The following GRIK4 variants were observed in gnomAD, a reference collection of about 807,000 sequenced individuals.
GRIK4 encodes the protein glutamate ionotropic receptor kainate type subunit 4.
GRIK4 carries 40 observed loss-of-function variants against 104.9 expected under a neutral mutation model. That is an observed-to-expected ratio of 0.38 (90% confidence interval 0.30 to 0.50). The LOEUF (loss-of-function observed/expected upper bound fraction) is 0.50. Among genes scored for constraint, GRIK4 ranks in the 20% least tolerant of loss-of-function variants. The pLI is 0.93. For missense variants in GRIK4, 1,047 were observed against 1,308.1 expected, an observed-to-expected ratio of 0.80 and a Z score of 3.08; for synonymous variants, 485 against 524.9, an observed-to-expected ratio of 0.92 and a Z score of 1.04.
intron 14 of GRIK4, among the ~76,000 whole-genome samples, chr11:120,947,900 C>T (rs1943901596): frequency 6.6e-6 from 1 of 152,162 alleles, no homozygotes; most frequent in Admixed American, 6.5e-5. Context: ...GGTCTCCTCA[C>T]ACCAGATTTT....
chr11:120,669,434 T>G (rs1949976462), intron 3 of GRIK4, among the ~76,000 whole-genome samples: 1 of 152,222 alleles, frequency 6.6e-6, no homozygotes, highest in African/African-American at 2.4e-5. Flanking sequence ...TGATTTTTCT[T>G]CTTCCTTTTA....
chr11:120,959,318 A>G (rs1944236133), intron 16 of GRIK4, among the ~76,000 whole-genome samples: 1 of 152,210 alleles, frequency 6.6e-6, no homozygotes, highest in Non-Finnish European at 1.5e-5. Flanking sequence ...CCACTGAGTC[A>G]GAGGATGCCC....
intron 1 of GRIK4, among the ~76,000 whole-genome samples, chr11:120,652,129 C>T (rs1192632903): frequency 1.3e-5 from 2 of 152,194 alleles, no homozygotes; most frequent in African/African-American, 2.4e-5. Context: ...GTATCTGCTT[C>T]GCAGGGTTCT....
chr11:120,675,461 T>C (rs1950085383), intron 3 of GRIK4, among the ~76,000 whole-genome samples: 1 of 152,238 alleles, frequency 6.6e-6, no homozygotes, highest in South Asian at 2.1e-4. Flanking sequence ...ATTTTCCATC[T>C]TTGGACTGGA....
At chr11:120,901,875 G>A (rs184980723) in intron 12 of GRIK4, among the ~76,000 whole-genome samples, 53 of 152,350 alleles carry the variant, frequency 3.5e-4, no homozygotes, top group Non-Finnish European at 5.3e-4. Flanking sequence ...ATACGTGCAC[G>A]TGCTCATGAG....
At chr11:120,636,798 C>G (rs1949402256) in intron 1 of GRIK4, among the ~76,000 whole-genome samples, 1 of 152,090 alleles carries the variant, frequency 6.6e-6, no homozygotes, top group African/African-American at 2.4e-5. Flanking sequence ...CAAGATCGTG[C>G]CATTGCACTC....
At chr11:120,823,191 G>C (rs1222900345) in intron 6 of GRIK4, among the ~76,000 whole-genome samples, 1 of 152,222 alleles carries the variant, frequency 6.6e-6, no homozygotes, top group Admixed American at 6.5e-5. Flanking sequence ...TCACCAACCT[G>C]ACAGGAAGTT....
chr11:120,645,274 T>G (rs2135207784), intron 1 of GRIK4, among the ~76,000 whole-genome samples: 2 of 152,348 alleles, frequency 1.3e-5, no homozygotes, highest in Middle Eastern at 3.4e-3. Context: ...CCTCGTTCCT[T>G]GACTGTGTGA....
At chr11:120,980,275 T>C (rs566653443) in intron 19 of GRIK4, among the ~76,000 whole-genome samples, 67 of 152,282 alleles carry the variant, frequency 4.4e-4, no homozygotes, top group African/African-American at 1.5e-3. Context: ...TCCCCAGTCA[T>C]GGGGGATGTC....
intron 13 of GRIK4, among the ~76,000 whole-genome samples, chr11:120,909,230 G>A (rs1942938823): frequency 6.6e-6 from 1 of 152,234 alleles, no homozygotes; most frequent in Admixed American, 6.5e-5. Flanking sequence ...GAGGGTTATT[G>A]GTAACAATGT....
intron 3 of GRIK4, among the ~76,000 whole-genome samples, chr11:120,735,815 A>G (rs1951211912): frequency 6.6e-6 from 1 of 152,046 alleles, no homozygotes; most frequent in Admixed American, 6.5e-5. Flanking sequence ...GGCCTCCACC[A>G]CCACTGGCCC....
At chr11:120,910,157 C>T (rs539280739) in intron 13 of GRIK4, among the ~76,000 whole-genome samples, 5 of 152,316 alleles carry the variant, frequency 3.3e-5, no homozygotes, top group Admixed American at 6.5e-5. Flanking sequence ...TCCCAGCCTT[C>T]AGAACTGTGA....
At chr11:120,605,188 GTTAGGGACC>G (rs2135137280) in intron 1 of GRIK4, among the ~76,000 whole-genome samples, 3 of 152,222 alleles carry the variant, frequency 2.0e-5, no homozygotes, top group Admixed American at 6.5e-5. Context: ...GACTGGCCAA[GTTAGGGACC>G]CCTGGGAAAG....
At position 120,889,588 on chromosome 11, in the gene GRIK4, C is replaced by CTTTTTTTTTTTTTTTTTT. The variant is rs776440015; in HGVS notation, c.1165-8944_1165-8943insTTTTTTTTTTTTTTTTTT. 5.8e-4 allele frequency among the ~76,000 whole-genome samples: 39 copies of CTTTTTTTTTTTTTTTTTT among 67,098 alleles called. 7 individuals carry two copies. The highest frequency in any genetic ancestry group is 2.3e-3 in the East Asian group (4 of 1,746). 44.0% of individuals were successfully genotyped at this position (67,098 alleles called of 152,430 possible). ...AATAGAATAAAATAGAAAGAGCTTA[C>CTTTTTTTTTTTTTTTTTT]ATTTTTTTTTTTTTTTTTTTTTTTT... is the stretch of plus-strand genomic sequence containing the variant. On this transcript the variant is annotated intron_variant, in intron 11 of 20. Transcript: ENST00000527524.
rs535186151 is a variant in GRIK4 at position 120,602,082 on chromosome 11, G to A, written c.-158-51603G>A. 1.4e-3 allele frequency among the ~76,000 whole-genome samples: 210 copies of A among 152,056 alleles called. 2 individuals carry two copies. The highest frequency in any genetic ancestry group is 2.2e-3 in the Non-Finnish European group (147 of 67,960). On this transcript the variant is annotated intron_variant, in intron 1 of 20. Coordinates refer to ENST00000527524, the MANE Select transcript of GRIK4 (RefSeq NM_014619.5). ...CAGCTCAGTCCCAGCCAGGTACCCC[G>A]GGGCTGCCTTCCCCGGGCTCTCATC...
intron 11 of GRIK4, among the ~76,000 whole-genome samples, chr11:120,896,298 G>C (rs1354754417): frequency 6.6e-6 from 1 of 152,202 alleles, no homozygotes. Flanking sequence ...TGTGACCTCA[G>C]GCAAGTTGGG....
intron 1 of GRIK4, among the ~76,000 whole-genome samples, chr11:120,519,892 G>T (rs7948353): frequency 0.088 from 6,984 of 78,924 alleles, 181 homozygotes; most frequent in African/African-American, 0.16. Flanking sequence ...TTTTTTTTTT[G>T]TTGTTGTTGT....
intron 3 of GRIK4, among the ~76,000 whole-genome samples, chr11:120,780,627 AT>A (rs552576916): frequency 1.3e-5 from 2 of 152,128 alleles, no homozygotes; most frequent in Admixed American, 6.5e-5. Context: ...GCTTTCTATT[AT>A]TTTGGATATA....
At position 120,952,535 on chromosome 11, in the gene GRIK4, C is replaced by T. The variant is rs1397454839; in HGVS notation, c.1591-320C>T. ...GCTTCCTGAGTCCATCCTCCACCCC[C>T]GATGGAGGACACAGGGTGGTACTTC... On this transcript the variant is annotated intron_variant, in intron 14 of 20. Coordinates refer to ENST00000527524, the MANE Select transcript of GRIK4 (RefSeq NM_014619.5). The surrounding 1 kb of genome is among the most constrained non-coding windows in gnomAD (Gnocchi z 5.2). Among the ~76,000 whole-genome samples, 3 of 152,182 alleles carry T rather than the reference C, an allele frequency of 2.0e-5. No homozygotes were observed. The highest frequency in any genetic ancestry group is 4.4e-5 in the Non-Finnish European group (3 of 68,034).
Sources: gnomAD v4.1 joint callset for allele counts (sites outside exome capture counted in the v4.1 genomes callset) on GRCh38, gnomAD v4.1.1 for gene constraint, Gnocchi (gnomAD v3.1) non-coding constraint, MANE v1.5 for transcripts, NCBI Gene and HGNC (gene_info 2026-07-23, HGNC 2026-07-21) for gene names.